Variants in FLT3 observed in about 807,000 individuals in gnomAD.
FLT3 encodes the protein receptor-type tyrosine-protein kinase FLT3.
In FLT3, 46 loss-of-function variants were observed where a neutral mutation model predicts 126.6. The observed-to-expected ratio is 0.36, with a 90% CI of 0.29 to 0.46. The LOEUF (loss-of-function observed/expected upper bound fraction) is 0.46. FLT3 is among the 20% of genes least tolerant of loss of function. FLT3 has a pLI of 1.00. For synonymous variants in FLT3, 404 were observed against 434.4 expected, an observed-to-expected ratio of 0.93 and a Z score of 0.87; for missense variants, 1,069 against 1,190.3, an observed-to-expected ratio of 0.90 and a Z score of 1.50.
At chr13:28,014,153 T>C (rs1268375544) in intron 23 of FLT3, among the ~76,000 whole-genome samples, 1 of 152,058 alleles carries the variant, frequency 6.6e-6, no homozygotes, top group Non-Finnish European at 1.5e-5. Context: ...CCTCCCATGG[T>C]CCTAGCTACT....
chr13:28,022,888 G>A (rs1169847997), intron 19 of FLT3, among the ~76,000 whole-genome samples: 1 of 152,238 alleles, frequency 6.6e-6, no homozygotes, highest in Non-Finnish European at 1.5e-5. Context: ...AGGAGGCAGT[G>A]AGCCTGCAGG....
chr13:28,098,151 C>T (rs1879584721), intron 1 of FLT3, among the ~76,000 whole-genome samples: 1 of 151,800 alleles, frequency 6.6e-6, no homozygotes, highest in Non-Finnish European at 1.5e-5. Flanking sequence ...CTCGTCTCTA[C>T]TAAAAATACA....
At chr13:28,064,443 G>T (rs955953465) in intron 2 of FLT3, among the ~76,000 whole-genome samples, 1 of 151,948 alleles carries the variant, frequency 6.6e-6, no homozygotes, top group Non-Finnish European at 1.5e-5. Flanking sequence ...TGTGGTGGCA[G>T]GCACCTGTAA....
intron 1 of FLT3, among the ~76,000 whole-genome samples, chr13:28,085,153 G>C (rs1273590481): frequency 2.0e-5 from 3 of 151,308 alleles, no homozygotes; most frequent in Admixed American, 6.6e-5. Context: ...GACCAGCCTG[G>C]CCAACGTGGT....
At chr13:28,019,812 G>C (rs1275378932) in intron 19 of FLT3, among the ~76,000 whole-genome samples, 1 of 152,112 alleles carries the variant, frequency 6.6e-6, no homozygotes, top group East Asian at 1.9e-4. Context: ...CCCTGCGCAT[G>C]GTTCACTCCT....
At chr13:28,085,805 A>G (rs949293898) in intron 1 of FLT3, among the ~76,000 whole-genome samples, 15 of 151,742 alleles carry the variant, frequency 9.9e-5, no homozygotes, top group African/African-American at 3.6e-4. Flanking sequence ...CTTTTAACCT[A>G]TTTGTGTCTT....
At chr13:28,049,796 A>T (rs1875269165) in intron 6 of FLT3, 22 bp from the exon 7 acceptor site, 2 of 1,597,174 alleles carry the variant, frequency 1.3e-6, no homozygotes, top group Non-Finnish European at 8.5e-7. Context: ...AAACATCCCA[A>T]GTGAGAAAAA....
At chr13:28,084,430 T>C (rs1034157158) in intron 1 of FLT3, among the ~76,000 whole-genome samples, 1 of 152,102 alleles carries the variant, frequency 6.6e-6, no homozygotes, top group Admixed American at 6.5e-5. Context: ...CACGGTGTAC[T>C]GCAGCCTTAA....
chr13:28,097,368 GAATAT>G (rs1379310775), intron 1 of FLT3, among the ~76,000 whole-genome samples: 1 of 152,038 alleles, frequency 6.6e-6, no homozygotes, highest in Admixed American at 6.6e-5. Flanking sequence ...TCTTCCCTTG[GAATAT>G]AAGTAAGTCT....
chr13:28,048,746 TGAGA>T lies in FLT3; in HGVS notation c.1037-307_1037-304del, dbSNP rs148048516. Among the ~76,000 whole-genome samples, 24 of 152,316 alleles carry T rather than the reference TGAGA, an allele frequency of 1.6e-4. No homozygotes were observed. The East Asian group carries it at 4.4e-3, about 28-fold the overall frequency. On this transcript the variant is annotated intron_variant, in intron 8 of 23. Transcript: ENST00000241453. ...TCAGCCAGCACCACTCTTCCATTGA[TGAGA>T]GAGAGTAAAATAAACTCAAGGCACA... is the stretch of plus-strand genomic sequence containing the variant.
At chr13:28,018,646 A>G in intron 19 of FLT3, 57 bp from the exon 20 acceptor site, 1 of 1,587,072 alleles carries the variant, frequency 6.3e-7, no homozygotes, top group Non-Finnish European at 8.6e-7. Flanking sequence ...CCTGGAGTGC[A>G]ATCTTTCTTC....
chr13:28,098,982 G>T lies in FLT3; in HGVS notation c.43+1486C>A, dbSNP rs562513647. ...GGTACTGACAGAGAGGGTGGAGCTAGAATTGCTCTATATCTCAGTCTGATC... is the reference window on the plus strand; with the variant it reads ...GGTACTGACAGAGAGGGTGGAGCTATAATTGCTCTATATCTCAGTCTGATC... On this transcript the variant is annotated intron_variant, in intron 1 of 23. Transcript: ENST00000241453. 9.2e-5 allele frequency among the ~76,000 whole-genome samples: 14 copies of T among 152,296 alleles called. 1 individual carries two copies. In the East Asian group the frequency reaches 2.3e-3, roughly 25 times the overall value.
intron 9 of FLT3, among the ~76,000 whole-genome samples, chr13:28,044,744 C>T (rs187054727): frequency 6.6e-6 from 1 of 152,278 alleles, no homozygotes; most frequent in East Asian, 1.9e-4. Context: ...TGTAGCTCTT[C>T]AAGAACTTTC....
chr13:28,032,965 G>A (rs748920435), intron 15 of FLT3, among the ~76,000 whole-genome samples: 3 of 152,142 alleles, frequency 2.0e-5, no homozygotes, highest in Admixed American at 6.5e-5. Flanking sequence ...GCCAGCAATG[G>A]GGCTGGACGC....
intron 21 of FLT3, 144 bp downstream of exon 21, chr13:28,015,446 A>G: frequency 1.5e-6 from 1 of 658,210 alleles, no homozygotes; most frequent in Non-Finnish European, 2.7e-6. Flanking sequence ...AAGACAGGCT[A>G]AAGGACACCA....
intron 15 of FLT3, among the ~76,000 whole-genome samples, chr13:28,029,251 G>A (rs1257208519): frequency 1.3e-5 from 2 of 152,156 alleles, no homozygotes; most frequent in South Asian, 2.1e-4. Context: ...AATTAGCCGG[G>A]CGTGCCGGTG....
At chr13:28,005,657 G>A (rs749566799) in intron 23 of FLT3, among the ~76,000 whole-genome samples, 1 of 152,122 alleles carries the variant, frequency 6.6e-6, no homozygotes, top group African/African-American at 2.4e-5. Flanking sequence ...GGGATAAGCA[G>A]AAGTGGAATT....
At chr13:28,041,781 C>T (rs747356735) in intron 9 of FLT3, among the ~76,000 whole-genome samples, 47 of 149,868 alleles carry the variant, frequency 3.1e-4, no homozygotes, top group Non-Finnish European at 5.0e-4. Flanking sequence ...CGGCAGGAGA[C>T]GGAGGTCAGG....
intron 1 of FLT3, among the ~76,000 whole-genome samples, chr13:28,078,903 A>G (rs1878137958): frequency 6.6e-6 from 1 of 151,988 alleles, no homozygotes; most frequent in African/African-American, 2.4e-5. Flanking sequence ...TAGTAGAGAC[A>G]GGGTTTTACT....
Sources: gnomAD v4.1 joint callset for allele counts (sites outside exome capture counted in the v4.1 genomes callset) on GRCh38, gnomAD v4.1.1 for gene constraint, MANE v1.5 for transcripts, NCBI Gene and HGNC (gene_info 2026-07-23, HGNC 2026-07-21) for gene names.